The following NXN variants were observed in gnomAD, a reference collection of about 807,000 sequenced individuals.
NXN encodes nucleoredoxin.
A neutral mutation model predicts 48.6 loss-of-function variants in NXN; 16 were observed. The observed-to-expected ratio is 0.33, with a 90% CI of 0.22 to 0.50. The LOEUF (loss-of-function observed/expected upper bound fraction) is 0.50, where lower values mean the gene tolerates loss of function less well. Among genes scored for constraint, NXN ranks in the 20% least tolerant of loss-of-function variants. NXN has a pLI of 0.98. For synonymous variants in NXN, 281 were observed against 269.6 expected (o/e 1.04, Z -0.41); for missense variants, 492 against 605.5 (o/e 0.81, Z 1.97).
At chr17:979,282 G>T in intron 1 of NXN, 37 bp downstream of exon 1, 1 of 1,426,440 alleles carries the variant, frequency 7.0e-7, no homozygotes, top group Non-Finnish European at 9.2e-7. Flanking sequence ...ACGGGCGTGG[G>T]GGGCGGGCAG....
chr17:941,357 A>C (rs1257941768), intron 1 of NXN, among the ~76,000 whole-genome samples: 3 of 147,980 alleles, frequency 2.0e-5, no homozygotes, highest in South Asian at 2.2e-4. Flanking sequence ...CCCTGGATTT[A>C]CAGTGAACAA....
chr17:843,142 G>A (rs1276797146), intron 1 of NXN, among the ~76,000 whole-genome samples: 1 of 152,218 alleles, frequency 6.6e-6, no homozygotes, highest in Non-Finnish European at 1.5e-5. Flanking sequence ...TAATGGCCAC[G>A]AATGAAGAGA....
chr17:886,652 G>A (rs897709140), intron 1 of NXN, among the ~76,000 whole-genome samples: 4 of 152,046 alleles, frequency 2.6e-5, no homozygotes, highest in South Asian at 2.1e-4. Context: ...GTGGCACACA[G>A]CTGTAGTCCC....
chr17:823,099 CA>C (rs11314268), intron 3 of NXN, among the ~76,000 whole-genome samples: 70,712 of 130,140 alleles, frequency 0.54, 17,985 homozygotes, highest in African/African-American at 0.68. Flanking sequence ...GACTCTGTCT[CA>C]AAAAAAAAAA....
At chr17:828,101 T>C (rs1276146318) in intron 1 of NXN, among the ~76,000 whole-genome samples, 1 of 152,010 alleles carries the variant, frequency 6.6e-6, no homozygotes, top group Non-Finnish European at 1.5e-5. Context: ...CATCCAGTTT[T>C]TTTTGTTTTT....
chr17:945,491 C>G (rs1427362441), intron 1 of NXN, among the ~76,000 whole-genome samples: 2 of 150,506 alleles, frequency 1.3e-5, no homozygotes, highest in African/African-American at 2.4e-5. Context: ...ATTAGCCGGG[C>G]GTGGTGGCGG....
intron 1 of NXN, among the ~76,000 whole-genome samples, chr17:931,388 G>T (rs2150597045): frequency 6.6e-6 from 1 of 151,732 alleles, no homozygotes; most frequent in Non-Finnish European, 1.5e-5. Context: ...GGGAGACGGA[G>T]GTTGTAGTGA....
chr17:812,388 T>C (rs910436355), intron 5 of NXN, among the ~76,000 whole-genome samples: 23 of 152,184 alleles, frequency 1.5e-4, no homozygotes, highest in African/African-American at 5.3e-4. Flanking sequence ...TACCTGGCAC[T>C]GCTCTGTGAA....
intron 1 of NXN, among the ~76,000 whole-genome samples, chr17:915,934 G>A (rs190193054): frequency 2.6e-3 from 351 of 134,210 alleles, no homozygotes; most frequent in Non-Finnish European, 4.1e-3. Context: ...TAGAGTTTTG[G>A]TCTCCAAGCA....
At chr17:810,460 C>G (rs1314884089) in intron 5 of NXN, among the ~76,000 whole-genome samples, 2 of 152,192 alleles carry the variant, frequency 1.3e-5, no homozygotes, top group Non-Finnish European at 2.9e-5. Flanking sequence ...TCGTTAACAT[C>G]AGATGAAAAT....
chr17:954,873 A>T (rs770679327), intron 1 of NXN, among the ~76,000 whole-genome samples: 2 of 152,216 alleles, frequency 1.3e-5, no homozygotes, highest in Non-Finnish European at 2.9e-5. Flanking sequence ...TACATTGCAC[A>T]TATTTCAGCG....
intron 1 of NXN, among the ~76,000 whole-genome samples, chr17:899,820 T>C (rs2068520762): frequency 6.6e-6 from 1 of 151,282 alleles, no homozygotes; most frequent in Non-Finnish European, 1.5e-5. Flanking sequence ...AGCCCAGGAG[T>C]TCGAGGCTGC....
intron 1 of NXN, among the ~76,000 whole-genome samples, chr17:887,671 AC>A (rs1567849332): frequency 2.0e-5 from 3 of 151,698 alleles, no homozygotes; most frequent in Non-Finnish European, 4.4e-5. Context: ...CGGAGACATG[AC>A]CCCATTTTTC....
At chr17:806,496 C>T (rs1190418336) in intron 5 of NXN, among the ~76,000 whole-genome samples, 2 of 152,182 alleles carry the variant, frequency 1.3e-5, no homozygotes, top group Non-Finnish European at 2.9e-5. Context: ...GCAGCCTCTC[C>T]TCCAGCCAGG....
rs986982493 is a variant in NXN, at chr17:831,067, C to T, written c.361-4989G>A. 6.0e-5 allele frequency among the ~76,000 whole-genome samples: 9 copies of T among 150,468 alleles called. 1 individual carries two copies. The highest frequency in any genetic ancestry group is 2.0e-4 in the Admixed American group (3 of 15,058). On this transcript the variant is annotated intron_variant, in intron 1 of 7. Transcript: ENST00000336868. The stretch of plus-strand genomic sequence containing the variant: ...TTACTCCAGAAAAGAAATTTGAGAG[C>T]GAAAACTGCAAGAACAATGTGCTTG...
chr17:825,894 A>G lies in NXN; in HGVS notation c.478+67T>C. On this transcript the variant is annotated intron_variant, in intron 2 of 7. Coordinates refer to ENST00000336868, the MANE Select transcript of NXN (RefSeq NM_022463.5). This position sits in a 1 kb window ranked among gnomAD's most constrained non-coding sequence, Gnocchi z 4.1. The stretch of plus-strand genomic sequence containing the variant: ...TCTCTCCACCGGTGGGACGGAGATT[A>G]GCCTAAGGGCATGGAGGAGGGAGGG... The G allele has an allele frequency of 1.0e-6, 1 of 991,918 alleles. No homozygotes were observed. Among genetic ancestry groups the G allele is most frequent in the Non-Finnish European group, 1.6e-6 (1 of 644,152 alleles). 61.4% of individuals were successfully genotyped at this position (991,918 alleles called of 1,614,324 possible).
At chr17:886,151 C>G (rs1433781198) in intron 1 of NXN, among the ~76,000 whole-genome samples, 1 of 152,062 alleles carries the variant, frequency 6.6e-6, no homozygotes, top group African/African-American at 2.4e-5. Context: ...ATTCTGACCA[C>G]GGGTCCGGGT....
intron 1 of NXN, among the ~76,000 whole-genome samples, chr17:954,654 T>C (rs2069146471): frequency 6.6e-6 from 1 of 152,198 alleles, no homozygotes; most frequent in African/African-American, 2.4e-5. Flanking sequence ...AGGTCGCAGC[T>C]GTCCCTCAAC....
chr17:812,496 CAG>C (rs2144604560), intron 5 of NXN, among the ~76,000 whole-genome samples: 1 of 152,330 alleles, frequency 6.6e-6, no homozygotes, highest in East Asian at 1.9e-4. Context: ...AGGACGTCCC[CAG>C]AGAAGCCCCA....
Sources: gnomAD v4.1 joint callset for allele counts (sites outside exome capture counted in the v4.1 genomes callset) on GRCh38, gnomAD v4.1.1 for gene constraint, Gnocchi (gnomAD v3.1) non-coding constraint, MANE v1.5 for transcripts, NCBI Gene and HGNC (gene_info 2026-07-23, HGNC 2026-07-21) for gene names.